Variants in ANAPC1 observed in about 807,000 individuals in gnomAD.
ANAPC1 encodes anaphase promoting complex subunit 1.
ANAPC1 carries 36 observed loss-of-function variants against 208.0 expected under a neutral mutation model. The observed-to-expected ratio is 0.17, with a 90% CI of 0.13 to 0.23. ANAPC1 has a LOEUF of 0.23. Ranked by LOEUF, ANAPC1 falls within the 10% of genes least tolerant of loss-of-function variation. ANAPC1 has a pLI of 1.00. For missense variants in ANAPC1, 942 were observed against 2,011.6 expected (o/e 0.47, Z 10.17); for synonymous variants, 378 against 695.2 (o/e 0.54, Z 7.18).
At chr2:111,863,612 A>C (rs1390633418) in intron 9 of ANAPC1, 63 bp downstream of exon 9, 7 of 1,502,100 alleles carry the variant, frequency 4.7e-6, no homozygotes, top group Middle Eastern at 2.4e-4. Flanking sequence ...CTGTCAACAG[A>C]AATTCTAAAT....
Position 111,777,152 on chromosome 2 carries a change from G to A in ANAPC1, c.5386-95C>T, listed in dbSNP as rs535729201. ...CTGAGTATTTTTTAAATGTGGCTCC[G>A]AATTATAAAGGGTCGGGGGGTGGTC... On this transcript the variant is annotated intron_variant, in intron 45 of 47. Coordinates refer to ENST00000341068, the MANE Select transcript of ANAPC1 (RefSeq NM_022662.4). 50 of 602,580 alleles carry A rather than the reference G, an allele frequency of 8.3e-5. No individual in the cohort carries two copies. The Admixed American group carries it at 9.8e-4, about 12-fold the overall frequency. The allele number at this position is 602,580 out of a possible 1,614,324, so 37.3% of individuals were successfully genotyped here. A position where few individuals can be genotyped will look rare whatever the true frequency, so the allele number is the denominator to read the frequency against.
intron 38 of ANAPC1, among the ~76,000 whole-genome samples, chr2:111,788,881 G>A (rs1243008332): frequency 6.6e-6 from 1 of 152,034 alleles, no homozygotes. Context: ...GCTCACGCCT[G>A]TAATCCCAGC....
chr2:111,826,714 G>A (rs11122983), intron 21 of ANAPC1, among the ~76,000 whole-genome samples: 27,431 of 149,078 alleles, frequency 0.18, 2,844 homozygotes, highest in Middle Eastern at 0.29. Context: ...AGGCTGGAGC[G>A]CAGTGGCACA....
intron 11 of ANAPC1, among the ~76,000 whole-genome samples, 181 bp downstream of exon 11, chr2:111,858,125 T>C (rs1681836047): frequency 6.6e-6 from 1 of 152,180 alleles, no homozygotes; most frequent in South Asian, 2.1e-4. Flanking sequence ...ATGGTGATGG[T>C]TGTATAACAC....
chr2:111,784,493 C>G, intron 40 of ANAPC1, 93 bp from the exon 41 acceptor site: 2 of 1,499,702 alleles, frequency 1.3e-6, no homozygotes, highest in Admixed American at 1.7e-5. Flanking sequence ...CCCCCTATCC[C>G]CGCAGTTCAT....
At chr2:111,827,912 T>G (rs1364918802) in intron 21 of ANAPC1, among the ~76,000 whole-genome samples, 1 of 152,066 alleles carries the variant, frequency 6.6e-6, no homozygotes, top group Non-Finnish European at 1.5e-5. Context: ...GCTAACAAGT[T>G]ATAAAGGAAT....
intron 9 of ANAPC1, 37 bp from the exon 10 acceptor site, chr2:111,862,635 A>G: frequency 6.3e-7 from 1 of 1,597,810 alleles, no homozygotes. Context: ...CATCACAGTT[A>G]GCAAGGCAGG....
At chr2:111,881,058 C>T (rs1224082805) in intron 1 of ANAPC1, among the ~76,000 whole-genome samples, 1 of 150,870 alleles carries the variant, frequency 6.6e-6, no homozygotes, top group Non-Finnish European at 1.5e-5. Flanking sequence ...CTGACAGTTA[C>T]CACTATAGGA....
chr2:111,844,996 C>T (rs1045030207), intron 16 of ANAPC1, among the ~76,000 whole-genome samples: 1 of 152,162 alleles, frequency 6.6e-6, no homozygotes, highest in Non-Finnish European at 1.5e-5. Flanking sequence ...CAGATGCATG[C>T]CAGCATGCCT....
chr2:111,836,471 C>T (rs1376713395), intron 18 of ANAPC1, among the ~76,000 whole-genome samples: 11 of 150,516 alleles, frequency 7.3e-5, no homozygotes, highest in Admixed American at 6.6e-5. Context: ...TATAGTAACA[C>T]CTTGTCTCTA....
chr2:111,791,150 T>C (rs1677853963), intron 38 of ANAPC1, among the ~76,000 whole-genome samples: 1 of 151,940 alleles, frequency 6.6e-6, no homozygotes, highest in South Asian at 2.1e-4. Flanking sequence ...GGTTTTGCAG[T>C]TGGCTATTAA....
intron 27 of ANAPC1, among the ~76,000 whole-genome samples, chr2:111,816,194 G>A (rs1679226586): frequency 6.6e-6 from 1 of 150,442 alleles, no homozygotes; most frequent in Non-Finnish European, 1.5e-5. Context: ...AACCTGGGAG[G>A]CAGAGGTTGC....
intron 43 of ANAPC1, 76 bp downstream of exon 43, chr2:111,782,293 G>C (rs1208253438): frequency 1.3e-6 from 2 of 1,583,440 alleles, no homozygotes; most frequent in Non-Finnish European, 8.6e-7. Context: ...ATCCACCTTT[G>C]AAGTTTATAG....
At position 111,852,308 on chromosome 2, in the gene ANAPC1, C is replaced by T. The variant is rs1221924836; in HGVS notation, c.1516-1398G>A. On this transcript the variant is annotated intron_variant, in intron 13 of 47. Transcript: ENST00000341068. ...CCTAGGTTTCTGGTTTGATTCCTTA[C>T]GTAACCAGGCCTTAGGCTTTCAAAG... Among the ~76,000 whole-genome samples, 7 of 150,142 alleles carry T rather than the reference C, an allele frequency of 4.7e-5. No homozygotes were observed. The South Asian group carries it at 1.3e-3, about 28-fold the overall frequency.
At chr2:111,846,548 TATATATATA>T (rs1336079245) in intron 16 of ANAPC1, among the ~76,000 whole-genome samples, 8 of 61,218 alleles carry the variant, frequency 1.3e-4, no homozygotes, top group Non-Finnish European at 2.5e-4. Flanking sequence ...TATATATATA[TATATATATA>T]TATTTTTTTT....
chr2:111,873,088 T>C (rs561808768), intron 5 of ANAPC1: 13 of 523,648 alleles, frequency 2.5e-5, no homozygotes, highest in Non-Finnish European at 4.3e-5. Context: ...AACAAACACA[T>C]ACCACAGAAG....
At chr2:111,864,402 C>CAA (rs557496899) in intron 8 of ANAPC1, among the ~76,000 whole-genome samples, 4 of 67,376 alleles carry the variant, frequency 5.9e-5, no homozygotes, top group African/African-American at 1.7e-4. Context: ...GTGATTTTTC[C>CAA]AAAAAAAAAA....
At position 111,767,759 on chromosome 2, in the gene ANAPC1, T is replaced by A. The variant is rs1351115125; in HGVS notation, c.*1532A>T. ...AATCTTGATTCAAATGGAATTTTCA[T>A]AATCTACCACTTAAAATTTATTTTT... On this transcript the variant is annotated 3_prime_UTR_variant, in exon 48 of 48. Transcript: ENST00000341068. The A allele has an allele frequency of 1.3e-5, 2 of 151,004 alleles. No individual in the cohort carries two copies. Among genetic ancestry groups the A allele is most frequent in the African/African-American group, 4.9e-5 (2 of 40,810 alleles). 9.4% of individuals were successfully genotyped at this position (151,004 alleles called of 1,614,324 possible).
intron 18 of ANAPC1, among the ~76,000 whole-genome samples, chr2:111,836,743 C>T: frequency 6.6e-6 from 1 of 151,460 alleles, no homozygotes; most frequent in East Asian, 1.9e-4. Flanking sequence ...CCAACATGGG[C>T]AGATTATTGA....
Sources: gnomAD v4.1 joint callset for allele counts (sites outside exome capture counted in the v4.1 genomes callset) on GRCh38, gnomAD v4.1.1 for gene constraint, MANE v1.5 for transcripts, NCBI Gene and HGNC (gene_info 2026-07-23, HGNC 2026-07-21) for gene names.